The following FSTL5 variants were observed in gnomAD, a reference collection of about 807,000 sequenced individuals.
The protein encoded by FSTL5 is follistatin like 5.
FSTL5 carries 62 observed loss-of-function variants against 89.1 expected under a neutral mutation model. The observed-to-expected ratio is 0.70, with a 90% CI of 0.57 to 0.86. The LOEUF is 0.86. Ranked by LOEUF, FSTL5 falls within the 40% of genes least tolerant of loss-of-function variation. FSTL5 has a pLI of 0.00. For synonymous variants in FSTL5, 383 were observed against 346.2 expected, an observed-to-expected ratio of 1.11 and a Z score of -1.18; for missense variants, 1,057 against 1,001.6, an observed-to-expected ratio of 1.06 and a Z score of -0.75.
chr4:161,538,061 C>T (rs1731689879), intron 10 of FSTL5, 105 bp downstream of exon 10: 2 of 955,500 alleles, frequency 2.1e-6, no homozygotes, highest in Admixed American at 2.1e-5. Flanking sequence ...TGTTATAATG[C>T]ATTGTGCAAT....
At chr4:161,917,631 C>T (rs1733877795) in intron 4 of FSTL5, among the ~76,000 whole-genome samples, 1 of 152,092 alleles carries the variant, frequency 6.6e-6, no homozygotes, top group African/African-American at 2.4e-5. Flanking sequence ...ATGTAAGTCT[C>T]TGTATTCATC....
At chr4:161,719,300 T>G (rs909733367) in intron 6 of FSTL5, among the ~76,000 whole-genome samples, 3 of 152,190 alleles carry the variant, frequency 2.0e-5, no homozygotes, top group African/African-American at 4.8e-5. Flanking sequence ...AATTGGCCTA[T>G]ATGCCTGGGT....
intron 1 of FSTL5, among the ~76,000 whole-genome samples, chr4:162,113,813 T>C (rs948868775): frequency 6.6e-6 from 1 of 152,188 alleles, no homozygotes; most frequent in African/African-American, 2.4e-5. Context: ...CTGAGTTACT[T>C]GTTTTAGTTA....
At chr4:161,798,660 C>A (rs1259678916) in intron 4 of FSTL5, among the ~76,000 whole-genome samples, 1 of 151,412 alleles carries the variant, frequency 6.6e-6, no homozygotes, top group Non-Finnish European at 1.5e-5. Context: ...TTAACAAGCT[C>A]TTCAGGTGAA....
chr4:161,831,479 T>C (rs1260168528), intron 4 of FSTL5, among the ~76,000 whole-genome samples: 4 of 151,730 alleles, frequency 2.6e-5, no homozygotes, highest in Non-Finnish European at 5.9e-5. Context: ...AGAAATAAAA[T>C]TGAAAGTTTT....
intron 3 of FSTL5, among the ~76,000 whole-genome samples, chr4:161,980,916 A>G (rs1430076017): frequency 6.6e-6 from 1 of 151,564 alleles, no homozygotes; most frequent in African/African-American, 2.4e-5. Flanking sequence ...AGCTGGGGTC[A>G]CGCCCGGCTA....
At chr4:161,976,685 G>T (rs1289268906) in intron 3 of FSTL5, among the ~76,000 whole-genome samples, 1 of 152,026 alleles carries the variant, frequency 6.6e-6, no homozygotes, top group Admixed American at 6.6e-5. Context: ...GTTTCACCTT[G>T]TTGGCCAGGA....
intron 15 of FSTL5, among the ~76,000 whole-genome samples, chr4:161,427,473 C>A (rs1732205653): frequency 6.6e-6 from 1 of 152,206 alleles, no homozygotes; most frequent in Non-Finnish European, 1.5e-5. Context: ...GAGCTTCCAA[C>A]AGCATTGCTA....
chr4:162,088,592 T>A (rs1730415175), intron 2 of FSTL5, among the ~76,000 whole-genome samples: 1 of 152,100 alleles, frequency 6.6e-6, no homozygotes, highest in South Asian at 2.1e-4. Context: ...AGATGATTTT[T>A]AACACCCTCA....
At chr4:161,594,853 G>T (rs979899630) in intron 7 of FSTL5, among the ~76,000 whole-genome samples, 1 of 151,556 alleles carries the variant, frequency 6.6e-6, no homozygotes, top group African/African-American at 2.4e-5. Context: ...TAAATATGTC[G>T]AGTGCTATGC....
At chr4:161,743,390 C>T (rs958552542) in intron 6 of FSTL5, among the ~76,000 whole-genome samples, 10 of 151,994 alleles carry the variant, frequency 6.6e-5, no homozygotes, top group African/African-American at 2.4e-4. Context: ...TCTTCTATTC[C>T]ATTCCATTGG....
At chr4:162,149,437 C>A (rs1733138428) in intron 1 of FSTL5, among the ~76,000 whole-genome samples, 1 of 151,292 alleles carries the variant, frequency 6.6e-6, no homozygotes, top group African/African-American at 2.4e-5. Flanking sequence ...ACAGCATGGG[C>A]AACACAGAGA....
intron 8 of FSTL5, among the ~76,000 whole-genome samples, chr4:161,565,954 A>G (rs943000490): frequency 6.6e-6 from 1 of 151,130 alleles, no homozygotes; most frequent in African/African-American, 2.4e-5. Flanking sequence ...GCTGGGTTGA[A>G]TGATAGATCT....
At chr4:161,400,875 G>T (rs899250288) in intron 15 of FSTL5, among the ~76,000 whole-genome samples, 1 of 152,054 alleles carries the variant, frequency 6.6e-6, no homozygotes, top group African/African-American at 2.4e-5. Context: ...TGTTATCAGA[G>T]ATCATTTTTT....
intron 3 of FSTL5, among the ~76,000 whole-genome samples, chr4:161,921,354 A>C (rs1262541855): frequency 6.6e-6 from 1 of 152,116 alleles, no homozygotes; most frequent in Non-Finnish European, 1.5e-5. Context: ...TAATAAACTC[A>C]ATTTGCATCA....
intron 10 of FSTL5, among the ~76,000 whole-genome samples, chr4:161,523,238 C>T (rs955666715): frequency 7.2e-5 from 11 of 152,154 alleles, no homozygotes; most frequent in African/African-American, 2.7e-4. Context: ...AGAACATCTA[C>T]TTCTTTTAAG....
chr4:161,533,168 G>GAAAAAAAAAAAAAA, intron 10 of FSTL5, among the ~76,000 whole-genome samples: 1 of 127,688 alleles, frequency 7.8e-6, no homozygotes. Flanking sequence ...TTAGAACTAG[G>GAAAAAAAAAAAAAA]AAAAAAAAAA....
intron 2 of FSTL5, among the ~76,000 whole-genome samples, chr4:162,108,048 GGT>G (rs1240311491): frequency 2.0e-5 from 3 of 152,016 alleles, no homozygotes; most frequent in Admixed American, 1.3e-4. Context: ...ATTTGGATTT[GGT>G]AATTGTATTT....
intron 6 of FSTL5, among the ~76,000 whole-genome samples, chr4:161,683,363 T>G (rs1737592605): frequency 6.6e-6 from 1 of 152,110 alleles, no homozygotes; most frequent in South Asian, 2.1e-4. Context: ...GATTTGATAT[T>G]AACATATATA....
Sources: allele counts gnomAD v4.1 joint callset (sites outside exome capture counted in the v4.1 genomes callset), GRCh38; gene constraint gnomAD v4.1.1; transcripts MANE v1.5; gene names NCBI Gene and HGNC (gene_info 2026-07-23, HGNC 2026-07-21).